The following ALMS1 variants were observed in gnomAD, a reference collection of about 807,000 sequenced individuals.
ALMS1 encodes centrosome-associated protein ALMS1.
In ALMS1, 271 loss-of-function variants were observed where a neutral mutation model predicts 352.2. The ratio of observed to expected loss-of-function variants is 0.77; its 90% CI spans 0.70 to 0.85. The LOEUF is 0.85. ALMS1 is among the 40% of genes least tolerant of loss of function. The pLI, the probability that ALMS1 is intolerant of heterozygous loss-of-function variation, is 0.00. For synonymous variants in ALMS1, 1,865 were observed against 1,761.2 expected, an observed-to-expected ratio of 1.06 and a Z score of -1.48; for missense variants, 5,445 against 4,870.7, an observed-to-expected ratio of 1.12 and a Z score of -3.51.
intron 2 of ALMS1, among the ~76,000 whole-genome samples, chr2:73,417,104 A>AAAAG (rs1208151549): frequency 6.6e-6 from 1 of 152,242 alleles, no homozygotes; most frequent in Non-Finnish European, 1.5e-5. Flanking sequence ...CACACACAAA[A>AAAAG]AAAGAAAAAC....
At chr2:73,565,103 T>A (rs1674775677) in intron 15 of ALMS1, among the ~76,000 whole-genome samples, 1 of 152,130 alleles carries the variant, frequency 6.6e-6, no homozygotes, top group African/African-American at 2.4e-5. Context: ...TTCCCTAAAA[T>A]ACCAAGCTCA....
intron 10 of ALMS1, among the ~76,000 whole-genome samples, chr2:73,502,844 G>C (rs961684465): frequency 1.3e-5 from 2 of 152,206 alleles, no homozygotes; most frequent in African/African-American, 4.8e-5. Context: ...GGAGTATTTT[G>C]TGGGGAGGGG....
intron 7 of ALMS1, among the ~76,000 whole-genome samples, chr2:73,433,257 A>G (rs1671546765): frequency 6.6e-6 from 1 of 152,178 alleles, no homozygotes; most frequent in Non-Finnish European, 1.5e-5. Context: ...AGGAATGGAG[A>G]TGATGAATTA....
chr2:73,497,457 A>G (rs985237376), intron 10 of ALMS1, among the ~76,000 whole-genome samples: 5 of 152,094 alleles, frequency 3.3e-5, no homozygotes, highest in Non-Finnish European at 2.9e-5. Flanking sequence ...GTTTACAGGC[A>G]TACCTCAGAT....
chr2:73,511,967 G>A (rs1275188533), intron 10 of ALMS1, among the ~76,000 whole-genome samples: 1 of 152,198 alleles, frequency 6.6e-6, no homozygotes, highest in African/African-American at 2.4e-5. Context: ...CTGCCAGAGT[G>A]TTTTCCAGAG....
At position 73,600,666 on chromosome 2, in the gene ALMS1, C is replaced by T. The variant is rs774970704; in HGVS notation, c.11669-12C>T. 18 of 1,609,978 alleles carry T rather than the reference C, an allele frequency of 1.1e-5. No homozygotes were observed. The highest frequency in any genetic ancestry group is 1.6e-4 in the Middle Eastern group (1 of 6,070). On this transcript the variant is annotated splice_polypyrimidine_tract_variant and intron_variant, in intron 17 of 22. Transcript: ENST00000613296. ...GGTTACTCCCAGAGACACCTATGAT[C>T]CTTCCCCTCAGGTAACTTGGAGATT...
Position 73,450,444 on chromosome 2 carries a change from T to C in ALMS1, c.3917T>C (p.Leu1306Pro). 2 of 1,613,826 alleles carry C rather than the reference T, an allele frequency of 1.2e-6. No homozygotes were observed. Among genetic ancestry groups the C allele is most frequent in the Non-Finnish European group, 1.7e-6 (2 of 1,179,922 alleles). Residue 1306 changes from leucine (L) to proline (P), a missense_variant, in exon 8 of 23, where the codon CTA becomes CCA. Leu to Pro is a moderately conservative substitution (Grantham distance 98). Coordinates refer to ENST00000613296, the MANE Select transcript of ALMS1 (RefSeq NM_001378454.1). The stretch of plus-strand genomic sequence containing the variant: ...CAACAGTCGTTGCCAAGTAGTCATC[T>C]AACTGAAGAGGCTAAGAATGTTTCA... ...FYQQSLPSSH[L>P]TEEAKNVSAV...
At chr2:73,432,024 A>G (rs181962990) in intron 6 of ALMS1, among the ~76,000 whole-genome samples, 174 bp from the exon 7 acceptor site, 9 of 152,350 alleles carry the variant, frequency 5.9e-5, no homozygotes, top group Admixed American at 3.3e-4. Flanking sequence ...TTATGATCTT[A>G]AGTAACTAGT....
Position 73,450,251 on chromosome 2 carries a change from A to C in ALMS1, c.3724A>C (p.Thr1242Pro), listed in dbSNP as rs1370292225. The C allele has an allele frequency of 6.2e-7, 1 of 1,614,048 alleles. No individual in the cohort carries two copies. The change falls in exon 8 of 23, where the codon ACA becomes CCA. Residue 1242 changes from threonine to proline, a missense_variant. Thr to Pro is a conservative substitution (Grantham distance 38, BLOSUM62 -1). Transcript: ENST00000613296. The part of the protein sequence containing the change: ...PTPTSASYSH[T>P]EKPGIFYQQV... ...TCCAACCTCTGCTTCTTACTCACACACAGAGAAGCCTGGTATTTTCTACCA... is the reference window on the plus strand; with the variant it reads ...TCCAACCTCTGCTTCTTACTCACACCCAGAGAAGCCTGGTATTTTCTACCA...
chr2:73,587,952 C>T (rs1675345150), intron 16 of ALMS1, among the ~76,000 whole-genome samples: 1 of 152,044 alleles, frequency 6.6e-6, no homozygotes, highest in African/African-American at 2.4e-5. Context: ...ATATACAACC[C>T]TTCTATATTA....
chr2:73,449,382 C>A lies in ALMS1; in HGVS notation c.2855C>A (p.Ser952Tyr). 6.2e-7 allele frequency: 1 copy of A among 1,614,134 alleles called. No individual in the cohort carries two copies. Among genetic ancestry groups the A allele is most frequent in the Non-Finnish European group, 8.5e-7 (1 of 1,179,988 alleles). The change falls in exon 8 of 23, where the codon TCT (serine) becomes TAT (tyrosine). Residue 952 changes from serine (S) to tyrosine (Y), a missense_variant. By Grantham distance (144) the Ser-to-Tyr change is moderately radical. Coordinates refer to ENST00000613296, the MANE Select transcript of ALMS1 (RefSeq NM_001378454.1). ...AQKTGTPTVS[S>Y]NSHSHSEKSS... ...AAGACTGGGACACCAACAGTGTCCT[C>A]TAATTCTCACTCACATAGCGAGAAA...
Position 73,550,265 on chromosome 2 carries a change from A to G in ALMS1, c.9908-2A>G. The G allele has an allele frequency of 6.2e-7, 1 of 1,613,888 alleles. No homozygotes were observed. Among genetic ancestry groups the G allele is most frequent in the Non-Finnish European group, 8.5e-7 (1 of 1,179,920 alleles). ...TTGTATTACTTCCCCGTTTTTCTGT[A>G]GGATCCAATGATGCCATTGCTCCAG... On this transcript the variant is annotated splice_acceptor_variant, in intron 12 of 22. Coordinates refer to ENST00000613296, the MANE Select transcript of ALMS1 (RefSeq NM_001378454.1). LOFTEE classifies it high-confidence loss of function.
At chr2:73,460,242 T>A (rs1267787452) in intron 9 of ALMS1, among the ~76,000 whole-genome samples, 1 of 152,172 alleles carries the variant, frequency 6.6e-6, no homozygotes, top group Non-Finnish European at 1.5e-5. Flanking sequence ...GTAATATAAT[T>A]ATTATTATAC....
chr2:73,579,063 CT>C (rs372240184), intron 16 of ALMS1, among the ~76,000 whole-genome samples: 1 of 119,142 alleles, frequency 8.4e-6, no homozygotes, highest in African/African-American at 4.3e-5. Context: ...CTCCTTTATT[CT>C]TTTTTTATTT....
chr2:73,537,620 A>T (rs1674059094), intron 12 of ALMS1, among the ~76,000 whole-genome samples: 1 of 152,212 alleles, frequency 6.6e-6, no homozygotes, highest in Non-Finnish European at 1.5e-5. Context: ...TTACAGAATT[A>T]ATTCAGAGAA....
intron 12 of ALMS1, among the ~76,000 whole-genome samples, chr2:73,547,798 T>TA (rs1449216487): frequency 3.3e-5 from 5 of 152,178 alleles, no homozygotes; most frequent in Admixed American, 6.5e-5. Flanking sequence ...CGGGGCGGGT[T>TA]AGAGTGCAAG....
rs752016657 is a variant in ALMS1, at chr2:73,453,090, C to G, written c.6563C>G (p.Thr2188Ser). The G allele has an allele frequency of 3.1e-6, 5 of 1,613,966 alleles. No individual in the cohort carries two copies. The highest frequency in any genetic ancestry group is 1.1e-5 in the South Asian group (1 of 91,078). Residue 2188 changes from threonine to serine, a missense_variant, in exon 8 of 23, where the codon ACT becomes AGT. Physicochemically the swap from Thr to Ser is moderately conservative, Grantham distance 58. Transcript: ENST00000613296. The part of the protein sequence containing the change: ...ITGLQTVPSG[T>S]YSHGENHKLV... ...GGATTACAAACAGTTCCCTCTGGTA[C>G]TTACTCACATGGTGAGAATCACAAG...
intron 15 of ALMS1, 123 bp downstream of exon 15, chr2:73,559,265 T>C: frequency 8.0e-7 from 1 of 1,251,082 alleles, no homozygotes; most frequent in Non-Finnish European, 1.1e-6. Context: ...TTCCTTTTCT[T>C]TTTTTAAAAC....
At chr2:73,465,162 AAG>A (rs1380510709) in intron 9 of ALMS1, among the ~76,000 whole-genome samples, 1 of 152,178 alleles carries the variant, frequency 6.6e-6, no homozygotes, top group Non-Finnish European at 1.5e-5. Flanking sequence ...GGAACCAAAA[AAG>A]AGCCTGCATC....
Sources: allele counts gnomAD v4.1 joint callset (sites outside exome capture counted in the v4.1 genomes callset), GRCh38; gene constraint gnomAD v4.1.1; transcripts MANE v1.5; gene names NCBI Gene and HGNC (gene_info 2026-07-23, HGNC 2026-07-21).